The following CDC42SE2 variants were observed in gnomAD, a reference collection of about 807,000 sequenced individuals.
CDC42SE2 encodes the protein CDC42 small effector 2.
Under a neutral mutation model 11.5 loss-of-function variants are expected in CDC42SE2, and 3 were observed. The ratio of observed to expected loss-of-function variants is 0.26; its 90% CI spans 0.12 to 0.67. CDC42SE2 has a LOEUF of 0.67. CDC42SE2 is among the 30% of genes least tolerant of loss of function. The pLI is 0.80. For missense variants in CDC42SE2, 82 were observed against 106.8 expected (o/e 0.77, Z 1.02); for synonymous variants, 33 against 34.8 (o/e 0.95, Z 0.18).
At chr5:131,341,674 T>C (rs1353060900) in intron 2 of CDC42SE2, among the ~76,000 whole-genome samples, 1 of 152,156 alleles carries the variant, frequency 6.6e-6, no homozygotes, top group Non-Finnish European at 1.5e-5. Flanking sequence ...TATGTTCAGG[T>C]ATTTGGAAAT....
intron 1 of CDC42SE2, among the ~76,000 whole-genome samples, chr5:131,252,784 G>C (rs780635707): frequency 2.6e-5 from 4 of 152,168 alleles, no homozygotes; most frequent in Non-Finnish European, 5.9e-5. Flanking sequence ...AAAGGCATCA[G>C]CCTCTCATAT....
chr5:131,334,872 C>T (rs892067802), intron 2 of CDC42SE2, among the ~76,000 whole-genome samples: 39 of 152,134 alleles, frequency 2.6e-4, no homozygotes, highest in African/African-American at 8.2e-4. Context: ...CTTTATTAGT[C>T]TTGCTAGCGG....
At chr5:131,353,992 C>A (rs545173722) in intron 2 of CDC42SE2, among the ~76,000 whole-genome samples, 1 of 152,094 alleles carries the variant, frequency 6.6e-6, no homozygotes, top group Non-Finnish European at 1.5e-5. Flanking sequence ...CTAATCCCAG[C>A]ATTTTGGGAG....
intron 1 of CDC42SE2, among the ~76,000 whole-genome samples, chr5:131,298,368 C>T (rs943423122): frequency 7.2e-5 from 11 of 151,856 alleles, no homozygotes; most frequent in Admixed American, 2.6e-4. Flanking sequence ...GTGATCCACC[C>T]GCCTTGGCCT....
At chr5:131,291,637 ATTC>A (rs528098459) in intron 1 of CDC42SE2, among the ~76,000 whole-genome samples, 5 of 152,202 alleles carry the variant, frequency 3.3e-5, no homozygotes, top group South Asian at 2.1e-4. Flanking sequence ...AAAAATATGA[ATTC>A]TTCTTTAGAA....
rs372586002 is a variant in CDC42SE2, at chr5:131,391,048, C to T, written c.212C>T (p.Pro71Leu). The stretch of plus-strand genomic sequence containing the variant: ...AAGGGAGGTTATGGAGGTGGAATGC[C>T]TGCCAATGTCCAGATGCAGCTCGTG... ...QSKGGYGGGM[P>L]ANVQMQLVDT... is the part of the protein sequence containing the mutation. The change falls in exon 5 of 5, where the codon CCT becomes CTT. Residue 71 changes from proline (P) to leucine (L), a missense_variant. Coordinates refer to ENST00000505065, the MANE Select transcript of CDC42SE2 (RefSeq NM_001375635.1). The T allele has an allele frequency of 6.8e-6, 11 of 1,613,242 alleles. No individual in the cohort carries two copies. Among genetic ancestry groups the T allele is most frequent in the Non-Finnish European group, 9.3e-6 (11 of 1,179,512 alleles).
chr5:131,295,264 C>G (rs1248160563), intron 1 of CDC42SE2, among the ~76,000 whole-genome samples: 3 of 148,952 alleles, frequency 2.0e-5, no homozygotes, highest in Non-Finnish European at 3.0e-5. Flanking sequence ...GCCTGGGTGA[C>G]AGATTGAGAC....
At chr5:131,326,106 A>ATTTTT (rs552218201) in intron 2 of CDC42SE2, among the ~76,000 whole-genome samples, 1 of 143,486 alleles carries the variant, frequency 7.0e-6, no homozygotes. Context: ...TACAAACGAG[A>ATTTTT]TTTTTTTTTT....
chr5:131,378,075 G>A (rs1171577295), intron 3 of CDC42SE2, among the ~76,000 whole-genome samples: 4 of 152,140 alleles, frequency 2.6e-5, no homozygotes, highest in Non-Finnish European at 5.9e-5. Flanking sequence ...AATGTTTTAA[G>A]TACTATAATT....
At chr5:131,224,069 T>C in the CDC42SE2 span, among the ~76,000 whole-genome samples, 1 of 152,196 alleles carries the variant, frequency 6.6e-6, no homozygotes, top group Non-Finnish European at 1.5e-5. Flanking sequence ...ATCTGGCTGA[T>C]TTGGCCTTTA....
At chr5:131,357,299 G>A (rs1339520617) in intron 2 of CDC42SE2, among the ~76,000 whole-genome samples, 6 of 152,162 alleles carry the variant, frequency 3.9e-5, no homozygotes, top group African/African-American at 1.4e-4. Flanking sequence ...TTATTTTCCT[G>A]TATGTTAGAG....
the CDC42SE2 span, among the ~76,000 whole-genome samples, chr5:131,236,256 A>AT: frequency 1.1e-3 from 171 of 152,096 alleles, 1 homozygote; most frequent in African/African-American, 3.5e-3. Flanking sequence ...TAGTTTCTGC[A>AT]TTTTTTGTCA....
chr5:131,331,101 A>T (rs1171232689), intron 2 of CDC42SE2, among the ~76,000 whole-genome samples: 3 of 152,194 alleles, frequency 2.0e-5, no homozygotes, highest in Non-Finnish European at 4.4e-5. Context: ...GCAATCCTGG[A>T]AAGTTGGTAT....
Position 131,347,553 on chromosome 5 carries a change from C to T in CDC42SE2, c.-285-11656C>T, listed in dbSNP as rs1347858613. ...GTCCAGGACCACATAGATTCACAGC[C>T]GAATTCTACCAGAGGTACAAAGAGG... On this transcript the variant is annotated intron_variant, in intron 2 of 4. Transcript: ENST00000505065. Among the ~76,000 whole-genome samples the T allele has an allele frequency of 4.6e-5, 7 of 152,118 alleles. 1 individual carries two copies. Among genetic ancestry groups the T allele is most frequent in the Non-Finnish European group, 7.4e-5 (5 of 68,008 alleles).
intron 1 of CDC42SE2, among the ~76,000 whole-genome samples, chr5:131,292,895 A>G (rs1757487984): frequency 8.3e-6 from 1 of 119,960 alleles, no homozygotes; most frequent in Admixed American, 9.3e-5. Flanking sequence ...TGACAGTGCG[A>G]GACCCTGTCT....
At chr5:131,273,448 G>T (rs1042392424) in intron 1 of CDC42SE2, among the ~76,000 whole-genome samples, 4 of 149,512 alleles carry the variant, frequency 2.7e-5, no homozygotes, top group Admixed American at 2.6e-4. Context: ...GAGCCACTGC[G>T]CCCAGCCTTA....
intron 4 of CDC42SE2, among the ~76,000 whole-genome samples, chr5:131,388,345 ACT>A (rs573408305): frequency 1.3e-5 from 2 of 152,080 alleles, no homozygotes; most frequent in African/African-American, 2.4e-5. Context: ...GATGAGCCTG[ACT>A]CTGTGAGAAA....
intron 1 of CDC42SE2, among the ~76,000 whole-genome samples, chr5:131,311,664 A>G (rs1159398109): frequency 6.6e-6 from 1 of 151,698 alleles, no homozygotes; most frequent in South Asian, 2.1e-4. Flanking sequence ...TTTTCTCTGA[A>G]CTTCCCTTCT....
chr5:131,292,887 A>G (rs1405887833), intron 1 of CDC42SE2, among the ~76,000 whole-genome samples: 1 of 122,024 alleles, frequency 8.2e-6, no homozygotes, highest in Non-Finnish European at 1.6e-5. Flanking sequence ...AGCCTGGGTG[A>G]CAGTGCGAGA....
Sources: gnomAD v4.1 joint callset for allele counts (sites outside exome capture counted in the v4.1 genomes callset) on GRCh38, gnomAD v4.1.1 for gene constraint, MANE v1.5 for transcripts, NCBI Gene and HGNC (gene_info 2026-07-23, HGNC 2026-07-21) for gene names.